LRMDA: variants seen among roughly 807,000 people sequenced by gnomAD.
LRMDA encodes the protein leucine rich melanocyte differentiation associated, also known as leucine-rich melanocyte differentiation-associated protein.
Under a neutral mutation model 29.8 loss-of-function variants are expected in LRMDA, and 18 were observed. The ratio of observed to expected loss-of-function variants is 0.60; its 90% CI spans 0.42 to 0.90. The LOEUF (loss-of-function observed/expected upper bound fraction) is 0.90. Ranked by LOEUF, LRMDA falls within the 40% of genes least tolerant of loss-of-function variation. LRMDA has a pLI of 0.00. For missense variants in LRMDA, 273 were observed against 273.9 expected, an observed-to-expected ratio of 1.00 and a Z score of 0.02; for synonymous variants, 125 against 109.4, an observed-to-expected ratio of 1.14 and a Z score of -0.89.
chr10:76,359,984 TTTTTC>T (rs1031949684), intron 6 of LRMDA, among the ~76,000 whole-genome samples: 6 of 152,074 alleles, frequency 3.9e-5, no homozygotes, highest in Non-Finnish European at 7.4e-5. Flanking sequence ...GTGGCATTTC[TTTTTC>T]TTTTGTTTTT....
At chr10:75,758,127 G>T (rs976420407) in intron 2 of LRMDA, among the ~76,000 whole-genome samples, 1 of 152,194 alleles carries the variant, frequency 6.6e-6, no homozygotes, top group Non-Finnish European at 1.5e-5. Flanking sequence ...TTGAGCCCTG[G>T]TGAGGCAGGT....
chr10:75,594,716 G>A (rs1040783446), intron 2 of LRMDA, among the ~76,000 whole-genome samples: 6 of 152,130 alleles, frequency 3.9e-5, no homozygotes, highest in Non-Finnish European at 7.3e-5. Flanking sequence ...GCGAGACAGC[G>A]TTTGTTAAAT....
intron 6 of LRMDA, among the ~76,000 whole-genome samples, chr10:76,353,652 T>G (rs1008099004): frequency 2.0e-5 from 3 of 152,120 alleles, no homozygotes; most frequent in African/African-American, 7.2e-5. Flanking sequence ...CTGAGACCTT[T>G]CACTCAAGTC....
chr10:75,823,400 C>T (rs1320079542), intron 2 of LRMDA, among the ~76,000 whole-genome samples: 1 of 152,050 alleles, frequency 6.6e-6, no homozygotes, highest in Admixed American at 6.5e-5. Context: ...ATTAAAAACA[C>T]AATGAGATAC....
chr10:76,463,744 A>C (rs1213561825), intron 6 of LRMDA, among the ~76,000 whole-genome samples: 1 of 151,954 alleles, frequency 6.6e-6, no homozygotes, highest in Non-Finnish European at 1.5e-5. Flanking sequence ...TTCTCTTCAT[A>C]GCCTTGGTCA....
intron 6 of LRMDA, among the ~76,000 whole-genome samples, chr10:76,484,195 T>C (rs755956327): frequency 1.3e-5 from 2 of 151,748 alleles, no homozygotes; most frequent in Non-Finnish European, 2.9e-5. Flanking sequence ...CTTCTCTTTC[T>C]CTTTTTCTCC....
At chr10:76,040,680 A>C (rs1364464245) in intron 3 of LRMDA, among the ~76,000 whole-genome samples, 1 of 152,176 alleles carries the variant, frequency 6.6e-6, no homozygotes, top group Non-Finnish European at 1.5e-5. Context: ...ATCATGTCTG[A>C]ATAATCAACC....
At chr10:76,056,786 C>T (rs1848622663) in intron 4 of LRMDA, among the ~76,000 whole-genome samples, 1 of 151,984 alleles carries the variant, frequency 6.6e-6, no homozygotes, top group Non-Finnish European at 1.5e-5. Flanking sequence ...TTCCCAAGCC[C>T]CCAAGAGCAC....
chr10:75,584,104 C>T (rs1840628361), intron 2 of LRMDA, among the ~76,000 whole-genome samples: 1 of 152,166 alleles, frequency 6.6e-6, no homozygotes, highest in Admixed American at 6.5e-5. Context: ...AGACTTTACT[C>T]TAAGACAATA....
intron 2 of LRMDA, among the ~76,000 whole-genome samples, chr10:75,966,922 A>G (rs1846871559): frequency 6.6e-6 from 1 of 152,216 alleles, no homozygotes; most frequent in Non-Finnish European, 1.5e-5. Flanking sequence ...ATATACACCC[A>G]ACTAATAGTA....
chr10:75,887,277 A>G (rs1845407014), intron 2 of LRMDA, among the ~76,000 whole-genome samples: 1 of 152,018 alleles, frequency 6.6e-6, no homozygotes. Flanking sequence ...ATAGTCTCAA[A>G]ATGAGGATAA....
intron 2 of LRMDA, among the ~76,000 whole-genome samples, chr10:75,935,898 A>G (rs1018918528): frequency 3.9e-5 from 6 of 152,124 alleles, no homozygotes; most frequent in African/African-American, 1.2e-4. Flanking sequence ...GAAAGAGAGA[A>G]TGTGGGCTGG....
chr10:75,743,079 T>C (rs1206353253), intron 2 of LRMDA, among the ~76,000 whole-genome samples: 1 of 151,962 alleles, frequency 6.6e-6, no homozygotes, highest in Non-Finnish European at 1.5e-5. Context: ...GGGAAGATTA[T>C]GGTCTGTGTG....
intron 5 of LRMDA, among the ~76,000 whole-genome samples, chr10:76,184,126 G>A (rs1589367252): frequency 6.6e-6 from 1 of 152,112 alleles, no homozygotes; most frequent in Middle Eastern, 3.4e-3. Context: ...TGCCTCCTGG[G>A]TTCAAGTGAT....
At chr10:76,083,970 T>C (rs1436804178) in intron 5 of LRMDA, among the ~76,000 whole-genome samples, 1 of 152,146 alleles carries the variant, frequency 6.6e-6, no homozygotes, top group East Asian at 1.9e-4. Context: ...ATATGAAGCT[T>C]GGTGGTGAAC....
intron 2 of LRMDA, among the ~76,000 whole-genome samples, chr10:75,957,741 A>C (rs1286284732): frequency 6.6e-6 from 1 of 152,152 alleles, no homozygotes; most frequent in African/African-American, 2.4e-5. Context: ...CATGAGCGGG[A>C]GAGAGTGAGA....
At chr10:75,479,286 T>A (rs1168859429) in intron 2 of LRMDA, among the ~76,000 whole-genome samples, 2 of 151,874 alleles carry the variant, frequency 1.3e-5, no homozygotes. Flanking sequence ...GGCGGGTGGA[T>A]CACGAGGTCA....
At chr10:76,312,112 G>A (rs1039770130) in intron 5 of LRMDA, among the ~76,000 whole-genome samples, 1 of 152,038 alleles carries the variant, frequency 6.6e-6, no homozygotes, top group Non-Finnish European at 1.5e-5. Context: ...AAAATTTATG[G>A]CTGAGCACAT....
At chr10:76,023,254 A>G (rs777513877) in intron 2 of LRMDA, among the ~76,000 whole-genome samples, 92 of 152,128 alleles carry the variant, frequency 6.0e-4, no homozygotes, top group Non-Finnish European at 1.1e-3. Flanking sequence ...TCAATTCATC[A>G]AACATTTATC....
Sources: gnomAD v4.1 joint callset for allele counts (sites outside exome capture counted in the v4.1 genomes callset) on GRCh38, gnomAD v4.1.1 for gene constraint, MANE v1.5 for transcripts, NCBI Gene and HGNC (gene_info 2026-07-23, HGNC 2026-07-21) for gene names.